The following ECD variants were observed in gnomAD, a reference collection of about 807,000 sequenced individuals.
ECD encodes the protein protein ecdysoneless homolog.
In ECD, 59 loss-of-function variants were observed where a neutral mutation model predicts 77.2. The ratio of observed to expected loss-of-function variants is 0.76; its 90% confidence interval spans 0.62 to 0.95. The LOEUF (loss-of-function observed/expected upper bound fraction) is 0.95. Ranked by LOEUF, ECD falls within the 40% of genes least tolerant of loss-of-function variation. The pLI, the probability that ECD is intolerant of heterozygous loss-of-function variation, is 0.00. For synonymous variants in ECD, 233 were observed against 267.4 expected (o/e 0.87, Z 1.26); for missense variants, 704 against 763.4 (o/e 0.92, Z 0.92).
At chr10:73,140,740 C>G (rs1488434172) in intron 9 of ECD, among the ~76,000 whole-genome samples, 1 of 150,472 alleles carries the variant, frequency 6.6e-6, no homozygotes, top group East Asian at 1.9e-4. Flanking sequence ...ACACAATTGG[C>G]CTTCCTTTTT....
At chr10:73,167,670 A>G (rs959796527) in intron 1 of ECD, among the ~76,000 whole-genome samples, 196 bp downstream of exon 1, 1 of 152,166 alleles carries the variant, frequency 6.6e-6, no homozygotes, top group African/African-American at 2.4e-5. Flanking sequence ...AACACACGTC[A>G]TCATGCAGAA....
In ECD at chr10:73,139,461, C is replaced by T; in HGVS notation, c.1269G>A (p.Leu423=). ...CAACAGCTTCCTGCAGCAGCTGGTCCAGCTGATCTGGTGAGAGATCTAACC... is the reference window on the plus strand; with the variant it reads ...CAACAGCTTCCTGCAGCAGCTGGTCTAGCTGATCTGGTGAGAGATCTAACC... The part of the protein sequence containing the change: ...DQWLDLSPDQ[L]DQLLQEAVGK... Residue 423 remains leucine (L), a synonymous_variant, in exon 11 of 14, where the codon CTG becomes CTA. Transcript: ENST00000372979. 6.2e-7 allele frequency: 1 copy of T among 1,614,066 alleles called. No homozygotes were observed. The highest frequency in any genetic ancestry group is 8.5e-7 in the Non-Finnish European group (1 of 1,180,012).
Position 73,136,930 on chromosome 10 carries a change from C to T in ECD, c.1490-12G>A. 7.6e-6 allele frequency: 11 copies of T among 1,442,688 alleles called. No individual in the cohort carries two copies. The highest frequency in any genetic ancestry group is 1.0e-5 in the Non-Finnish European group (11 of 1,088,784). 89.4% of individuals were successfully genotyped at this position (1,442,688 alleles called of 1,614,324 possible). ...ATTAGGCCTTGGCCCTACACAGATC[C>T]CAAGAAAGAAAGAGCCACTTAGTAA... On this transcript the variant is annotated splice_polypyrimidine_tract_variant and intron_variant, in intron 12 of 13. Transcript: ENST00000372979.
chr10:73,154,827 G>A (rs1019541392), intron 5 of ECD, among the ~76,000 whole-genome samples: 2 of 151,714 alleles, frequency 1.3e-5, no homozygotes, highest in Non-Finnish European at 1.5e-5. Context: ...CCAGCTACTC[G>A]GGAGGCTGAC....
At chr10:73,144,179 CAT>C in intron 9 of ECD, among the ~76,000 whole-genome samples, 2 of 152,278 alleles carry the variant, frequency 1.3e-5, no homozygotes, top group South Asian at 4.1e-4. Context: ...AGCAGGCTAT[CAT>C]ATAAGTACAC....
At chr10:73,155,278 G>C (rs1393275828) in intron 5 of ECD, among the ~76,000 whole-genome samples, 1 of 151,882 alleles carries the variant, frequency 6.6e-6, no homozygotes, top group African/African-American at 2.4e-5. Flanking sequence ...ATGTTGGTCA[G>C]GATGGTCTCG....
At chr10:73,136,958 A>G (rs1239497315) in intron 12 of ECD, 40 bp from the exon 13 acceptor site, 9 of 769,988 alleles carry the variant, frequency 1.2e-5, no homozygotes, top group Non-Finnish European at 1.5e-5. Flanking sequence ...CTTAGTAATT[A>G]TTATTATTAT....
At chr10:73,158,189 G>A (rs1843325753) in intron 3 of ECD, among the ~76,000 whole-genome samples, 1 of 151,828 alleles carries the variant, frequency 6.6e-6, no homozygotes, top group Admixed American at 6.6e-5. Flanking sequence ...TCGAACTTCT[G>A]ACCTCATGTG....
intron 3 of ECD, among the ~76,000 whole-genome samples, chr10:73,158,738 A>AAAAAT (rs1843335180): frequency 1.3e-5 from 2 of 152,068 alleles, no homozygotes; most frequent in African/African-American, 2.4e-5. Context: ...CCTGTCTCAA[A>AAAAAT]AAAATAAAAT....
intron 1 of ECD, among the ~76,000 whole-genome samples, chr10:73,166,218 T>C (rs1206598758): frequency 6.6e-6 from 1 of 152,172 alleles, no homozygotes; most frequent in Non-Finnish European, 1.5e-5. Context: ...ATTTTCTTCA[T>C]TATCTGTTGA....
In ECD at chr10:73,154,407, C is replaced by G; in HGVS notation, c.632G>C (p.Cys211Ser). 6.2e-7 allele frequency: 1 copy of G among 1,613,210 alleles called. No homozygotes were observed. Among genetic ancestry groups the G allele is most frequent in the Non-Finnish European group, 8.5e-7 (1 of 1,179,760 alleles). ...TGCCACAATGCCAGCTGGAAGGAAG[C>G]AGTGTGCTCGATGAAGTGAGGCCTG... ...KIQASLHRAH[C>S]FLPAGIVAVL... The change falls in exon 6 of 14, where the codon TGC becomes TCC. Residue 211 changes from cysteine to serine, a missense_variant. Cys to Ser is a moderately radical substitution (Grantham distance 112, BLOSUM62 -1). Coordinates refer to ENST00000372979, the MANE Select transcript of ECD (RefSeq NM_007265.3).
intron 9 of ECD, among the ~76,000 whole-genome samples, chr10:73,143,750 G>A (rs1843088265): frequency 7.1e-6 from 1 of 140,074 alleles, no homozygotes; most frequent in African/African-American, 2.7e-5. Context: ...TCACCCTGTT[G>A]TACTATCAAA....
At chr10:73,136,611 A>G (rs1682135600) in intron 13 of ECD, 93 bp downstream of exon 13, 21 of 1,156,214 alleles carry the variant, frequency 1.8e-5, no homozygotes, top group Middle Eastern at 2.3e-4. Context: ...TTCAAATCTC[A>G]CACACCAAAA....
At chr10:73,143,175 T>C (rs1403840191) in intron 9 of ECD, among the ~76,000 whole-genome samples, 3 of 152,162 alleles carry the variant, frequency 2.0e-5, no homozygotes, top group African/African-American at 7.2e-5. Context: ...AAATAATGTA[T>C]TGTTTTGTTT....
At chr10:73,149,551 T>C (rs1195897240) in intron 7 of ECD, among the ~76,000 whole-genome samples, 1 of 152,204 alleles carries the variant, frequency 6.6e-6, no homozygotes, top group African/African-American at 2.4e-5. Flanking sequence ...ACATGACATA[T>C]TCAACAGTTT....
intron 9 of ECD, among the ~76,000 whole-genome samples, chr10:73,144,400 G>A (rs924935379): frequency 6.6e-6 from 1 of 152,020 alleles, no homozygotes; most frequent in African/African-American, 2.4e-5. Flanking sequence ...CAAGGTAGGG[G>A]GATCTCTTAA....
intron 9 of ECD, among the ~76,000 whole-genome samples, chr10:73,142,930 C>G (rs1168743686): frequency 6.6e-6 from 1 of 152,096 alleles, no homozygotes; most frequent in African/African-American, 2.4e-5. Context: ...ACTAATCTAT[C>G]TAGAAGAGCA....
At position 73,156,413 on chromosome 10, in the gene ECD, G is replaced by C; in HGVS notation, c.452C>G (p.Pro151Arg). Reference sequence around the variant, plus strand: ...CCAAGATTCTGCTCCAGATTTTCTTGGTGCAGGGATAATACACAATTCCCC... The same window carrying C: ...CCAAGATTCTGCTCCAGATTTTCTTCGTGCAGGGATAATACACAATTCCCC... ...CHGELCIIPA[P>R]RKSGAESWLP... The change falls in exon 5 of 14, where the codon CCA becomes CGA. Residue 151 changes from proline (P) to arginine (R), a missense_variant. Transcript: ENST00000372979. 1.2e-6 allele frequency: 2 copies of C among 1,612,288 alleles called. No individual in the cohort carries two copies. Among genetic ancestry groups the C allele is most frequent in the East Asian group, 4.5e-5 (2 of 44,872 alleles).
intron 12 of ECD, among the ~76,000 whole-genome samples, chr10:73,137,610 C>T (rs778156492): frequency 6.6e-6 from 1 of 151,954 alleles, no homozygotes; most frequent in African/African-American, 2.4e-5. Flanking sequence ...CCCGTCTCTA[C>T]TAAAAATACA....
Sources: gnomAD v4.1 joint callset for allele counts (sites outside exome capture counted in the v4.1 genomes callset) on GRCh38, gnomAD v4.1.1 for gene constraint, MANE v1.5 for transcripts, NCBI Gene and HGNC (gene_info 2026-07-23, HGNC 2026-07-21) for gene names.